The following EPC1 variants were observed in gnomAD, a reference collection of about 807,000 sequenced individuals.
EPC1 encodes enhancer of polycomb 1.
EPC1 carries 12 observed loss-of-function variants against 98.4 expected under a neutral mutation model. That is an observed-to-expected ratio of 0.12 (90% CI 0.08 to 0.20). The LOEUF is 0.20. Ranked by LOEUF, EPC1 falls within the 10% of genes least tolerant of loss-of-function variation. The probability of loss-of-function intolerance (pLI) is 1.00; values close to 1 mark genes in which losing one functional copy is unlikely to be tolerated. For synonymous variants in EPC1, 357 were observed against 363.9 expected, an observed-to-expected ratio of 0.98 and a Z score of 0.21; for missense variants, 729 against 990.5, an observed-to-expected ratio of 0.74 and a Z score of 3.54.
intron 9 of EPC1, chr10:32,285,820 AAAT>A (rs1445565721): frequency 6.6e-6 from 1 of 152,216 alleles, no homozygotes; most frequent in Non-Finnish European, 1.5e-5. Flanking sequence ...CTCCAAGTCA[AAAT>A]AATAACATTG....
chr10:32,278,112 C>T (rs1324316970), intron 10 of EPC1, among the ~76,000 whole-genome samples: 1 of 151,978 alleles, frequency 6.6e-6, no homozygotes, highest in Admixed American at 6.6e-5. Flanking sequence ...GAGGGAGTCT[C>T]GCTCTGTTGC....
At chr10:32,361,590 T>C (rs1839444908) in intron 1 of EPC1, among the ~76,000 whole-genome samples, 1 of 152,190 alleles carries the variant, frequency 6.6e-6, no homozygotes, top group African/African-American at 2.4e-5. Flanking sequence ...CATTTAGAAA[T>C]GCAATTATAA....
intron 1 of EPC1, among the ~76,000 whole-genome samples, chr10:32,372,538 G>T (rs1839777621): frequency 6.6e-6 from 1 of 152,208 alleles, no homozygotes; most frequent in Non-Finnish European, 1.5e-5. Flanking sequence ...AGAATTTCAT[G>T]AGATGTTCCT....
intron 13 of EPC1, 119 bp downstream of exon 13, chr10:32,271,435 C>T (rs1835838827): frequency 5.3e-6 from 6 of 1,141,432 alleles, no homozygotes; most frequent in Non-Finnish European, 7.5e-6. Context: ...CTCAACTATA[C>T]ATTTTCAATG....
At chr10:32,347,288 ACCCGCCGGCCTCGCTT>A (rs1030767950), upstream of EPC1, 1 of 881,736 alleles carries the variant, frequency 1.1e-6, no homozygotes, top group Non-Finnish European at 1.4e-6. Context: ...AACCCCCGGC[ACCCGCCGGCCTCGCTT>A]CCCGCGCCTC....
chr10:32,353,676 G>A (rs1268806293), intron 1 of EPC1, among the ~76,000 whole-genome samples: 1 of 152,176 alleles, frequency 6.6e-6, no homozygotes, highest in African/African-American at 2.4e-5. Context: ...GTGAGGTACT[G>A]TATTTGTATT....
chr10:32,369,011 T>TC (rs2133118610), intron 1 of EPC1, among the ~76,000 whole-genome samples: 1 of 152,308 alleles, frequency 6.6e-6, no homozygotes, highest in Non-Finnish European at 1.5e-5. Context: ...GCCGTGTACT[T>TC]CAAGTGTTCT....
At chr10:32,366,221 C>T (rs1364325375) in intron 1 of EPC1, among the ~76,000 whole-genome samples, 1 of 152,098 alleles carries the variant, frequency 6.6e-6, no homozygotes, top group African/African-American at 2.4e-5. Flanking sequence ...ATAAGTTTTC[C>T]TAACCTTGTT....
intron 1 of EPC1, among the ~76,000 whole-genome samples, chr10:32,338,884 G>T (rs1331448620): frequency 6.7e-6 from 1 of 148,216 alleles, no homozygotes; most frequent in Non-Finnish European, 1.5e-5. Flanking sequence ...GCTGCAATGA[G>T]CCGAGATCAC....
intron 2 of EPC1, among the ~76,000 whole-genome samples, chr10:32,303,366 A>G (rs1835687065): frequency 6.6e-6 from 1 of 152,216 alleles, no homozygotes; most frequent in South Asian, 2.1e-4. Context: ...GAATATTCAT[A>G]GCAGCTCTAT....
rs1482742518 is a variant in EPC1 at position 32,347,053 on chromosome 10, C to T, written c.-138G>A. On this transcript the variant is annotated 5_prime_UTR_variant, in exon 1 of 14. Transcript: ENST00000319778. ...CGGAGCGCAGAGCCCGCCGTCCGGG[C>T]ACTAACACCAGCCGGGAGGGTGGGA... 6.8e-7 allele frequency: 1 copy of T among 1,463,584 alleles called. No individual in the cohort carries two copies. Among genetic ancestry groups the T allele is most frequent in the Non-Finnish European group, 9.0e-7 (1 of 1,113,714 alleles). The allele number at this position is 1,463,584 out of a possible 1,614,324, so 90.7% of individuals were successfully genotyped here. A position where few individuals can be genotyped will look rare whatever the true frequency, so the allele number is the denominator to read the frequency against.
In EPC1 at chr10:32,293,086, G is replaced by A; in HGVS notation, c.568C>T (p.Leu190Phe). The A allele has an allele frequency of 2.5e-6, 4 of 1,613,376 alleles. No homozygotes were observed. The highest frequency in any genetic ancestry group is 1.7e-5 in the Admixed American group (1 of 59,976). The change falls in exon 4 of 14, where the codon CTT (leucine) becomes TTT (phenylalanine). Residue 190 changes from leucine (L) to phenylalanine (F), a missense_variant. This residue lies in a region of EPC1 where 94 missense variants were observed against 125.1 expected (regional missense o/e 0.75). Coordinates refer to ENST00000319778, the MANE Select transcript of EPC1 (RefSeq NM_001272004.3). The stretch of plus-strand genomic sequence containing the variant: ...TTCTCTTGTTTTACTGATGGAATAA[G>A]AGATGGCCCTCGACAGTTTTTTCTC... ...KKRKNCRGPS[L>F]IPSVKQEKRD...
Position 32,268,653 on chromosome 10 carries a change from TAG to T in EPC1, c.*408_*409del, listed in dbSNP as rs1835693330. ...AAAACTGTAAACACGGCACAATAAA[TAG>T]ATAAAACAGCAGGTTCCGCACCATG... On this transcript the variant is annotated 3_prime_UTR_variant, in exon 14 of 14. Transcript: ENST00000319778. The T allele has an allele frequency of 6.5e-6, 1 of 153,926 alleles. No homozygotes were observed. The highest frequency in any genetic ancestry group is 6.5e-5 in the Admixed American group (1 of 15,412). The allele number at this position is 153,926 out of a possible 1,614,324, so 9.5% of individuals were successfully genotyped here.
chr10:32,289,957 C>T (rs1356858267), intron 6 of EPC1, among the ~76,000 whole-genome samples: 1 of 152,096 alleles, frequency 6.6e-6, no homozygotes, highest in Non-Finnish European at 1.5e-5. Context: ...GCATAACGTA[C>T]TTTTTCCTCA....
At chr10:32,378,372 G>T in intron 1 of EPC1, 1 of 735,426 alleles carries the variant, frequency 1.4e-6, no homozygotes, top group South Asian at 2.1e-5. Context: ...AGAACGTGCA[G>T]AGATCAAAGC....
intron 2 of EPC1, among the ~76,000 whole-genome samples, chr10:32,300,510 T>A (rs377299280): frequency 6.6e-6 from 1 of 151,200 alleles, no homozygotes; most frequent in African/African-American, 2.4e-5. Context: ...CTCGGCTCAC[T>A]GCAATCTCTG....
At chr10:32,338,083 T>C (rs1473847519) in intron 1 of EPC1, among the ~76,000 whole-genome samples, 2 of 152,216 alleles carry the variant, frequency 1.3e-5, no homozygotes, top group African/African-American at 4.8e-5. Context: ...TAGCACAAAC[T>C]GCTCTAATGT....
intron 1 of EPC1, among the ~76,000 whole-genome samples, chr10:32,336,061 C>G (rs1480708335): frequency 2.0e-5 from 1 of 50,304 alleles, no homozygotes; most frequent in African/African-American, 3.7e-5. Flanking sequence ...TAATCTACTA[C>G]CTTTTCTTTT....
Position 32,271,545 on chromosome 10 carries a change from A to C in EPC1, c.2369+9T>G. ...ATTCCAGGTATGTTAGGCAAAAATAACTACTCACCTTGGAACTGAATCTAC... is the reference window on the plus strand; with the variant it reads ...ATTCCAGGTATGTTAGGCAAAAATACCTACTCACCTTGGAACTGAATCTAC... On this transcript the variant is annotated intron_variant, in intron 13 of 13. Coordinates refer to ENST00000319778, the MANE Select transcript of EPC1 (RefSeq NM_001272004.3). 1 of 1,607,102 alleles carries C rather than the reference A, an allele frequency of 6.2e-7. No homozygotes were observed. Among genetic ancestry groups the C allele is most frequent in the Non-Finnish European group, 8.5e-7 (1 of 1,174,754 alleles).
Sources: allele counts gnomAD v4.1 joint callset (sites outside exome capture counted in the v4.1 genomes callset), GRCh38; gene constraint gnomAD v4.1.1; regional missense constraint gnomAD v4.1.1; transcripts MANE v1.5; gene names NCBI Gene and HGNC (gene_info 2026-07-23, HGNC 2026-07-21).